Variants in PACRGL observed in about 807,000 individuals in gnomAD.
PACRGL encodes parkin coregulated like, also known as PACRG-like protein.
In PACRGL, 38 loss-of-function variants were observed where a neutral mutation model predicts 34.5. The observed-to-expected ratio is 1.10, with a 90% CI of 0.85 to 1.44. PACRGL has a LOEUF of 1.44. Among genes scored for constraint, PACRGL ranks in the 40% most tolerant of loss-of-function variants. The pLI is 0.00. For missense variants in PACRGL, 305 were observed against 281.4 expected, an observed-to-expected ratio of 1.08 and a Z score of -0.60; for synonymous variants, 128 against 100.1, an observed-to-expected ratio of 1.28 and a Z score of -1.66.
At chr4:20,750,741 G>A (rs988542987) in intron 8 of PACRGL, among the ~76,000 whole-genome samples, 5 of 152,038 alleles carry the variant, frequency 3.3e-5, no homozygotes, top group Admixed American at 3.3e-4. Context: ...ATTATTTTCA[G>A]TGTTGCATCT....
the PACRGL span, among the ~76,000 whole-genome samples, chr4:20,761,536 T>C: frequency 8.5e-5 from 13 of 152,266 alleles, 1 homozygote; most frequent in African/African-American, 2.4e-4. Context: ...TTGCTTGGGA[T>C]AGTAAGGAGA....
intron 7 of PACRGL, among the ~76,000 whole-genome samples, chr4:20,723,612 T>C (rs773783157): frequency 3.3e-4 from 50 of 152,128 alleles, no homozygotes; most frequent in Non-Finnish European, 6.2e-4. Flanking sequence ...CCACCTCCGA[T>C]GGCAGAAAGA....
Position 20,722,605 on chromosome 4 carries a change from C to T in PACRGL, c.610-2203C>T, listed in dbSNP as rs1227339198. On this transcript the variant is annotated intron_variant, in intron 7 of 8. Coordinates refer to ENST00000503585, the MANE Select transcript of PACRGL (RefSeq NM_001258345.3). ...GGTGTCTGTCATGCAGGCAAGACTG[C>T]CTGCCTGTGTGGTTGACTTTAGTCT... Among the ~76,000 whole-genome samples, 4 of 152,134 alleles carry T rather than the reference C, an allele frequency of 2.6e-5. 1 individual carries two copies. The highest frequency in any genetic ancestry group is 1.5e-5 in the Non-Finnish European group (1 of 68,034).
At chr4:20,698,968 CA>C (rs1197101135), upstream of PACRGL, among the ~76,000 whole-genome samples, 2 of 152,188 alleles carry the variant, frequency 1.3e-5, no homozygotes, top group Non-Finnish European at 2.9e-5. Context: ...TCGTCATCCA[CA>C]AGGACTCATA....
At chr4:20,749,785 A>G (rs1167240424) in intron 8 of PACRGL, 7 of 1,250,278 alleles carry the variant, frequency 5.6e-6, no homozygotes, top group Non-Finnish European at 8.1e-6. Context: ...TATCCTACAT[A>G]AGACTTGGAT....
intron 8 of PACRGL, among the ~76,000 whole-genome samples, chr4:20,747,822 C>T (rs2149330307): frequency 6.6e-6 from 1 of 152,256 alleles, no homozygotes; most frequent in South Asian, 2.1e-4. Context: ...CCTGTGGTGA[C>T]TGGCTGGATG....
chr4:20,703,735 G>A (rs950757185), intron 1 of PACRGL, among the ~76,000 whole-genome samples: 6 of 152,162 alleles, frequency 3.9e-5, no homozygotes, highest in African/African-American at 1.4e-4. Context: ...AGGTCAGGAA[G>A]TCGAGGTTTA....
chr4:20,746,076 A>T (rs1417946796), intron 8 of PACRGL, among the ~76,000 whole-genome samples: 1 of 152,220 alleles, frequency 6.6e-6, no homozygotes, highest in Non-Finnish European at 1.5e-5. Flanking sequence ...ACACATACAC[A>T]TGTATATGTA....
downstream of PACRGL, among the ~76,000 whole-genome samples, chr4:20,734,000 A>G (rs1415034281): frequency 6.6e-6 from 1 of 152,146 alleles, no homozygotes; most frequent in Non-Finnish European, 1.5e-5. Context: ...TCGTGAGGCA[A>G]AGAGAGACAG....
At chr4:20,726,156 G>C (rs148506798) in intron 8 of PACRGL, among the ~76,000 whole-genome samples, 1 of 152,152 alleles carries the variant, frequency 6.6e-6, no homozygotes, top group Non-Finnish European at 1.5e-5. Context: ...AGATTTTGTG[G>C]TGGGAGTGGA....
chr4:20,745,813 T>C (rs894365028), intron 8 of PACRGL, among the ~76,000 whole-genome samples: 18 of 152,260 alleles, frequency 1.2e-4, no homozygotes, highest in African/African-American at 4.3e-4. Context: ...CTCCCCTGAC[T>C]CCCTGCCAAT....
intron 7 of PACRGL, among the ~76,000 whole-genome samples, chr4:20,717,506 T>C (rs1342403446): frequency 6.6e-6 from 1 of 152,230 alleles, no homozygotes; most frequent in African/African-American, 2.4e-5. Context: ...GAATTAATTT[T>C]TGTATAAAGT....
downstream of PACRGL, chr4:20,732,923 G>A (rs1748691203): frequency 1.7e-6 from 1 of 587,624 alleles, no homozygotes. Flanking sequence ...ACGACTGTTG[G>A]TTGTCCCAAA....
chr4:20,763,314 G>A, the PACRGL span, among the ~76,000 whole-genome samples: 3 of 152,116 alleles, frequency 2.0e-5, no homozygotes, highest in Non-Finnish European at 2.9e-5. Context: ...TAAAAACCAC[G>A]TAGTATATTT....
At chr4:20,747,153 A>G (rs1300775233) in intron 8 of PACRGL, among the ~76,000 whole-genome samples, 3 of 152,180 alleles carry the variant, frequency 2.0e-5, no homozygotes, top group Admixed American at 1.3e-4. Context: ...TTTTACATAA[A>G]TATTATAAAA....
chr4:20,738,238 AGATT>A (rs1321463970), intron 8 of PACRGL, among the ~76,000 whole-genome samples: 4 of 152,202 alleles, frequency 2.6e-5, no homozygotes, highest in Non-Finnish European at 4.4e-5. Flanking sequence ...AGGCTAGATG[AGATT>A]GATTGTTATC....
intron 8 of PACRGL, among the ~76,000 whole-genome samples, chr4:20,726,084 T>G (rs1467563005): frequency 6.6e-6 from 1 of 152,090 alleles, no homozygotes; most frequent in African/African-American, 2.4e-5. Context: ...TAGGTGATTT[T>G]CCATATCCTG....
At chr4:20,742,597 C>T (rs1751394760) in intron 8 of PACRGL, among the ~76,000 whole-genome samples, 2 of 152,140 alleles carry the variant, frequency 1.3e-5, no homozygotes, top group Non-Finnish European at 2.9e-5. Flanking sequence ...GGCAAACCCA[C>T]AGCCAATATC....
chr4:20,704,764 A>G lies in PACRGL; in HGVS notation c.157A>G (p.Lys53Glu), dbSNP rs1343765045. The change falls in exon 3 of 9, where the codon AAA becomes GAA. Residue 53 changes from lysine (K) to glutamate (E), a missense_variant. By Grantham distance (56) the Lys-to-Glu change is moderately conservative. Transcript: ENST00000503585. The stretch of plus-strand genomic sequence containing the variant: ...AACCAGTTCTCCAGAGTCTGCAAGA[A>G]AACTTCATCCTAGACCAAGTGATAA... ...LSTSSPESARKLHPRPSDKLN... is the reference protein window; with the variant it reads ...LSTSSPESARELHPRPSDKLN... 4 of 1,614,156 alleles carry G rather than the reference A, an allele frequency of 2.5e-6. No homozygotes were observed. The highest frequency in any genetic ancestry group is 3.4e-6 in the Non-Finnish European group (4 of 1,180,000).
Sources: allele counts gnomAD v4.1 joint callset (sites outside exome capture counted in the v4.1 genomes callset), GRCh38; gene constraint gnomAD v4.1.1; transcripts MANE v1.5; gene names NCBI Gene and HGNC (gene_info 2026-07-23, HGNC 2026-07-21).